The following THSD7B variants were observed in gnomAD, a reference collection of about 807,000 sequenced individuals.
THSD7B encodes the protein thrombospondin type-1 domain-containing protein 7B.
In THSD7B, 138 loss-of-function variants were observed where a neutral mutation model predicts 213.6. That is an observed-to-expected ratio of 0.65 (90% confidence interval 0.56 to 0.74). The LOEUF (loss-of-function observed/expected upper bound fraction) is 0.74, where lower values mean the gene tolerates loss of function less well. Among genes scored for constraint, THSD7B ranks in the 30% least tolerant of loss-of-function variants. THSD7B has a pLI of 0.00. For missense variants in THSD7B, 1,931 were observed against 1,991.5 expected, an observed-to-expected ratio of 0.97 and a Z score of 0.58; for synonymous variants, 742 against 687.0, an observed-to-expected ratio of 1.08 and a Z score of -1.25.
At chr2:137,287,133 A>G (rs1683200234) in intron 12 of THSD7B, among the ~76,000 whole-genome samples, 1 of 152,138 alleles carries the variant, frequency 6.6e-6, no homozygotes. Flanking sequence ...ACACCAGAGT[A>G]AAATATTGGA....
chr2:136,826,478 A>C (rs1013718993), intron 1 of THSD7B, among the ~76,000 whole-genome samples: 1 of 152,182 alleles, frequency 6.6e-6, no homozygotes, highest in African/African-American at 2.4e-5. Flanking sequence ...AAGTAACTGC[A>C]AGAGGACTGG....
intron 2 of THSD7B, among the ~76,000 whole-genome samples, chr2:136,918,930 C>T (rs1011068808): frequency 2.6e-5 from 4 of 152,122 alleles, no homozygotes; most frequent in African/African-American, 9.7e-5. Context: ...CTGGGAAGTC[C>T]TGGGCATGCG....
chr2:136,814,875 TGAG>T (rs1682445764), intron 1 of THSD7B, among the ~76,000 whole-genome samples: 2 of 152,174 alleles, frequency 1.3e-5, no homozygotes, highest in South Asian at 4.1e-4. Context: ...GGTCTCAAGA[TGAG>T]AATGTTTTTT....
chr2:137,015,734 T>C (rs1426107688), intron 2 of THSD7B, among the ~76,000 whole-genome samples: 1 of 152,134 alleles, frequency 6.6e-6, no homozygotes, highest in Non-Finnish European at 1.5e-5. Flanking sequence ...AAAGTCTCTT[T>C]CTAATCTTGG....
intron 15 of THSD7B, among the ~76,000 whole-genome samples, chr2:137,453,585 T>C (rs186956483): frequency 5.9e-5 from 9 of 152,254 alleles, no homozygotes; most frequent in Admixed American, 4.6e-4. Flanking sequence ...CGCCTCGGCC[T>C]CCCAAAGTGC....
At chr2:137,317,519 A>G (rs1384460555) in intron 12 of THSD7B, among the ~76,000 whole-genome samples, 1 of 152,240 alleles carries the variant, frequency 6.6e-6, no homozygotes, top group Admixed American at 6.5e-5. Flanking sequence ...CTTATAGTAT[A>G]TCCATAAATA....
At chr2:137,024,893 T>G (rs962238090) in intron 2 of THSD7B, among the ~76,000 whole-genome samples, 1 of 152,142 alleles carries the variant, frequency 6.6e-6, no homozygotes, top group Non-Finnish European at 1.5e-5. Flanking sequence ...CAAGATATAT[T>G]CCATCTAATC....
At chr2:137,583,992 T>C (rs1484021772) in intron 17 of THSD7B, among the ~76,000 whole-genome samples, 1 of 151,810 alleles carries the variant, frequency 6.6e-6, no homozygotes, top group Non-Finnish European at 1.5e-5. Flanking sequence ...CTTCCATTTG[T>C]TTGTGTCCTT....
intron 7 of THSD7B, among the ~76,000 whole-genome samples, chr2:137,181,571 CAT>C (rs1680455701): frequency 6.6e-6 from 1 of 152,120 alleles, no homozygotes; most frequent in African/African-American, 2.4e-5. Context: ...TCACCAGAGG[CAT>C]ATTTACAGAG....
chr2:137,130,926 T>C (rs1163668390), intron 5 of THSD7B, among the ~76,000 whole-genome samples: 2 of 151,776 alleles, frequency 1.3e-5, no homozygotes. Flanking sequence ...ATGGTATTTC[T>C]AGTTCTAGAT....
chr2:137,086,161 A>T (rs1687837657), intron 3 of THSD7B, among the ~76,000 whole-genome samples: 1 of 152,062 alleles, frequency 6.6e-6, no homozygotes, highest in South Asian at 2.1e-4. Flanking sequence ...AGCCTGGCAA[A>T]CCCCTTCTCT....
At chr2:136,972,646 G>T (rs1046276734) in intron 2 of THSD7B, among the ~76,000 whole-genome samples, 2 of 152,086 alleles carry the variant, frequency 1.3e-5, no homozygotes, top group African/African-American at 4.8e-5. Flanking sequence ...AAGGGCGATC[G>T]TTGGTTCATT....
intron 12 of THSD7B, among the ~76,000 whole-genome samples, chr2:137,367,579 T>C (rs1685450029): frequency 6.6e-6 from 1 of 152,154 alleles, no homozygotes; most frequent in Admixed American, 6.6e-5. Flanking sequence ...AGCTTTAAAA[T>C]TCTGTAATCT....
At chr2:137,509,129 A>C (rs904384891) in intron 15 of THSD7B, among the ~76,000 whole-genome samples, 2 of 152,214 alleles carry the variant, frequency 1.3e-5, no homozygotes, top group Non-Finnish European at 2.9e-5. Flanking sequence ...CTAATATTGC[A>C]GGACTCAAAT....
chr2:136,807,142 C>T (rs1159696487), intron 1 of THSD7B, among the ~76,000 whole-genome samples: 1 of 152,050 alleles, frequency 6.6e-6, no homozygotes, highest in Non-Finnish European at 1.5e-5. Flanking sequence ...TTTTTATTTC[C>T]CCCTCTTCTA....
At chr2:137,011,927 T>C (rs1686237583) in intron 2 of THSD7B, among the ~76,000 whole-genome samples, 1 of 152,186 alleles carries the variant, frequency 6.6e-6, no homozygotes, top group Non-Finnish European at 1.5e-5. Context: ...TTATAAATTC[T>C]TGGAAAGGAG....
At chr2:137,653,787 GTTTAA>G (rs1444186310) in intron 21 of THSD7B, among the ~76,000 whole-genome samples, 1 of 126,500 alleles carries the variant, frequency 7.9e-6, no homozygotes, top group Non-Finnish European at 1.8e-5. Flanking sequence ...ATTTCAAACT[GTTTAA>G]TTTCTCTGAT....
At chr2:136,910,970 G>A (rs1314656314) in intron 2 of THSD7B, among the ~76,000 whole-genome samples, 1 of 151,812 alleles carries the variant, frequency 6.6e-6, no homozygotes, top group East Asian at 1.9e-4. Flanking sequence ...AATTCACTAA[G>A]CCTTTATGTA....
chr2:137,495,799 T>G (rs1396002526), intron 15 of THSD7B, among the ~76,000 whole-genome samples: 2 of 152,168 alleles, frequency 1.3e-5, no homozygotes, highest in Non-Finnish European at 2.9e-5. Flanking sequence ...AGCTTTGATA[T>G]TTGTAGTGGG....
Sources: allele counts gnomAD v4.1 joint callset (sites outside exome capture counted in the v4.1 genomes callset), GRCh38; gene constraint gnomAD v4.1.1; transcripts MANE v1.5; gene names NCBI Gene and HGNC (gene_info 2026-07-23, HGNC 2026-07-21).